The following KCNK9 variants were observed in gnomAD, a reference collection of about 807,000 sequenced individuals.
KCNK9 encodes the protein potassium channel subfamily K member 9.
In KCNK9, 1 loss-of-function variant was observed where a neutral mutation model predicts 10.8. That is an observed-to-expected ratio of 0.09 (90% confidence interval 0.03 to 0.44). The LOEUF is 0.44. Among genes scored for constraint, KCNK9 ranks in the 20% least tolerant of loss-of-function variants. The pLI, the probability that KCNK9 is intolerant of heterozygous loss-of-function variation, is 0.97. For missense variants in KCNK9, 303 were observed against 515.0 expected (o/e 0.59, Z 3.98); for synonymous variants, 231 against 222.7 (o/e 1.04, Z -0.33).
At chr8:139,613,958 G>A (rs1007532945), downstream of KCNK9, among the ~76,000 whole-genome samples, 7 of 152,296 alleles carry the variant, frequency 4.6e-5, no homozygotes, top group East Asian at 1.4e-3. Flanking sequence ...TCTGCAGAGG[G>A]CTTCAAAGGG....
chr8:139,640,594 C>T (rs539750156), intron 1 of KCNK9, among the ~76,000 whole-genome samples: 5 of 152,238 alleles, frequency 3.3e-5, no homozygotes, highest in South Asian at 2.1e-4. Context: ...CACATACCCG[C>T]GCCCCAAGCC....
chr8:139,682,834 C>T (rs377317621), intron 1 of KCNK9, among the ~76,000 whole-genome samples: 1 of 152,156 alleles, frequency 6.6e-6, no homozygotes, highest in Non-Finnish European at 1.5e-5. Flanking sequence ...GTGACCCCCC[C>T]ACACCCGCCC....
downstream of KCNK9, chr8:139,612,043 G>GT (rs1814442234): frequency 6.6e-6 from 1 of 152,200 alleles, no homozygotes; most frequent in Admixed American, 6.5e-5. Context: ...GACTAGGGGA[G>GT]CCCAGAAGAG....
intron 1 of KCNK9, among the ~76,000 whole-genome samples, chr8:139,655,682 T>C (rs1177556405): frequency 6.6e-6 from 1 of 152,172 alleles, no homozygotes; most frequent in Non-Finnish European, 1.5e-5. Context: ...CGCACATGTC[T>C]GACTCTAAGC....
chr8:139,637,475 C>T (rs991248509), intron 1 of KCNK9, among the ~76,000 whole-genome samples: 1 of 152,136 alleles, frequency 6.6e-6, no homozygotes, highest in Non-Finnish European at 1.5e-5. Flanking sequence ...GAGAATCTTG[C>T]TCTTTGTGAC....
Position 139,693,204 on chromosome 8 carries a change from A to T in KCNK9, c.283+9506T>A, listed in dbSNP as rs76024302. Among the ~76,000 whole-genome samples the T allele has an allele frequency of 0.012, 1,756 of 152,146 alleles. 22 individuals are homozygous for T. Among genetic ancestry groups the T allele is most frequent in the Non-Finnish European group, 0.018 (1,252 of 67,994 alleles). On this transcript the variant is annotated intron_variant, in intron 1 of 1. Transcript: ENST00000520439. The surrounding 1 kb of genome is among the most constrained non-coding windows in gnomAD (Gnocchi z 4.1). ...TGTCTGACAGGGCCAGTGACAGCCA[A>T]AGTCCATTTCACAAGTAGGCATCTC...
Position 139,698,582 on chromosome 8 carries a change from C to G in KCNK9, c.283+4128G>C, listed in dbSNP as rs546624557. Among the ~76,000 whole-genome samples the G allele has an allele frequency of 2.0e-5, 3 of 152,278 alleles. No homozygotes were observed. In the South Asian group the frequency reaches 6.2e-4, roughly 32 times the overall value. On this transcript the variant is annotated intron_variant, in intron 1 of 1. Transcript: ENST00000520439. ...GAAGCAGCCACTGGGCTTAGCTGCC[C>G]CTAGACTGCACCCTGGACTGCAACC...
chr8:139,667,420 G>A (rs769127005), intron 1 of KCNK9, among the ~76,000 whole-genome samples: 5 of 152,204 alleles, frequency 3.3e-5, no homozygotes, highest in African/African-American at 4.8e-5. Context: ...CCCCACAGCC[G>A]GGCGCAGTGG....
intron 1 of KCNK9, among the ~76,000 whole-genome samples, chr8:139,681,868 A>C (rs2111578): frequency 0.54 from 82,590 of 152,104 alleles, 22,720 homozygotes; most frequent in South Asian, 0.6. Flanking sequence ...CTGGACAGTC[A>C]CAGCCATGCC....
intron 1 of KCNK9, among the ~76,000 whole-genome samples, chr8:139,620,906 C>A (rs1195179476): frequency 2.0e-5 from 3 of 152,002 alleles, no homozygotes; most frequent in African/African-American, 4.8e-5. Flanking sequence ...GAAAATAAAG[C>A]CTGGGGGGAG....
At chr8:139,664,879 G>A (rs556681622) in intron 1 of KCNK9, among the ~76,000 whole-genome samples, 15 of 152,154 alleles carry the variant, frequency 9.9e-5, no homozygotes, top group African/African-American at 3.1e-4. Context: ...TGGGGCCACC[G>A]TGTGGCTTTT....
intron 1 of KCNK9, among the ~76,000 whole-genome samples, chr8:139,663,682 T>TGTGTGTGTGTGTGTGTGTG (rs1554624294): frequency 6.9e-5 from 10 of 145,846 alleles, no homozygotes; most frequent in South Asian, 2.3e-4. Context: ...TGTGTGTGTG[T>TGTGTGTGTGTGTGTGTGTG]TAGAGAGAGA....
chr8:139,688,236 T>C (rs551695336), intron 1 of KCNK9, among the ~76,000 whole-genome samples: 1 of 152,118 alleles, frequency 6.6e-6, no homozygotes, highest in African/African-American at 2.4e-5. Context: ...AGATGAGGGG[T>C]TGAGCTCAGG....
chr8:139,619,545 T>C (rs911613708), intron 1 of KCNK9, among the ~76,000 whole-genome samples: 2 of 152,202 alleles, frequency 1.3e-5, no homozygotes, highest in African/African-American at 2.4e-5. Flanking sequence ...ATGTCCACTA[T>C]GGATTGACAT....
intron 1 of KCNK9, among the ~76,000 whole-genome samples, chr8:139,668,869 C>T (rs1436041106): frequency 6.6e-6 from 1 of 152,162 alleles, no homozygotes; most frequent in East Asian, 1.9e-4. Flanking sequence ...TAATCTGAGG[C>T]TCAACCTTGT....
chr8:139,670,637 C>T (rs1049095584), intron 1 of KCNK9, among the ~76,000 whole-genome samples: 1 of 152,058 alleles, frequency 6.6e-6, no homozygotes, highest in Non-Finnish European at 1.5e-5. Flanking sequence ...CCATTCTCCC[C>T]CAGGTACCAA....
At position 139,637,922 on chromosome 8, in the gene KCNK9, C is replaced by T. The variant is rs576437957; in HGVS notation, c.284-18823G>A. 3.5e-4 allele frequency among the ~76,000 whole-genome samples: 53 copies of T among 152,172 alleles called. 1 individual carries two copies. The highest frequency in any genetic ancestry group is 3.4e-3 in the Middle Eastern group (1 of 294). On this transcript the variant is annotated intron_variant, in intron 1 of 1. Coordinates refer to ENST00000520439, the MANE Select transcript of KCNK9 (RefSeq NM_001282534.2). ...GATGCCTCCTCCATGCCCCTCTTCCCATCCCAGCCTTGGCCAGACAGAGGG... is the reference window on the plus strand; with the variant it reads ...GATGCCTCCTCCATGCCCCTCTTCCTATCCCAGCCTTGGCCAGACAGAGGG...
intron 1 of KCNK9, among the ~76,000 whole-genome samples, chr8:139,647,281 G>A (rs995993053): frequency 2.6e-5 from 4 of 152,206 alleles, no homozygotes; most frequent in African/African-American, 9.6e-5. Context: ...TGGTTGGTTG[G>A]AGGTCTATGG....
intron 1 of KCNK9, among the ~76,000 whole-genome samples, chr8:139,657,805 G>T (rs936369517): frequency 3.3e-5 from 5 of 152,310 alleles, no homozygotes; most frequent in African/African-American, 1.2e-4. Flanking sequence ...GAGGAGGGAC[G>T]TTATCACCCT....
Sources: gnomAD v4.1 joint callset for allele counts (sites outside exome capture counted in the v4.1 genomes callset) on GRCh38, gnomAD v4.1.1 for gene constraint, Gnocchi (gnomAD v3.1) non-coding constraint, MANE v1.5 for transcripts, NCBI Gene and HGNC (gene_info 2026-07-23, HGNC 2026-07-21) for gene names.